The following FARS2 variants were observed in gnomAD, a reference collection of about 807,000 sequenced individuals.
FARS2 encodes the protein phenylalanine--tRNA ligase, mitochondrial.
Under a neutral mutation model 46.4 loss-of-function variants are expected in FARS2, and 40 were observed. That is an observed-to-expected ratio of 0.86 (90% CI 0.67 to 1.12). The LOEUF is 1.12. Ranked by LOEUF, FARS2 falls within the 50% of genes most tolerant of loss-of-function variation. FARS2 has a pLI of 0.00. For synonymous variants in FARS2, 234 were observed against 214.9 expected (o/e 1.09, Z -0.78); for missense variants, 513 against 567.9 (o/e 0.90, Z 0.98).
At chr6:5,711,397 G>A (rs990090769) in intron 6 of FARS2, among the ~76,000 whole-genome samples, 3 of 152,264 alleles carry the variant, frequency 2.0e-5, no homozygotes, top group South Asian at 2.1e-4. Context: ...AACTCCCCAC[G>A]CTTTAGTGTG....
At chr6:5,272,191 C>T (rs1561922795) in intron 1 of FARS2, among the ~76,000 whole-genome samples, 2 of 152,050 alleles carry the variant, frequency 1.3e-5, no homozygotes, top group Non-Finnish European at 2.9e-5. Context: ...TCACGATTTT[C>T]GTTATGGATA....
intron 5 of FARS2, among the ~76,000 whole-genome samples, chr6:5,602,530 C>T (rs924349315): frequency 6.6e-6 from 1 of 151,014 alleles, no homozygotes; most frequent in Non-Finnish European, 1.5e-5. Flanking sequence ...ACCTGCAGTC[C>T]CAGCTACTTG....
chr6:5,316,176 C>T (rs999700963), intron 1 of FARS2, among the ~76,000 whole-genome samples: 2 of 152,214 alleles, frequency 1.3e-5, no homozygotes, highest in African/African-American at 4.8e-5. Context: ...GGGAAAGATT[C>T]ACTTAGGGTG....
intron 4 of FARS2, among the ~76,000 whole-genome samples, chr6:5,544,799 G>A (rs1278592221): frequency 6.6e-6 from 1 of 152,150 alleles, no homozygotes; most frequent in African/African-American, 2.4e-5. Context: ...CTACACTTAA[G>A]GACAGAGACC....
rs1053458214 is a variant in FARS2 at position 5,689,884 on chromosome 6, T to A, written c.1217+76564T>A. On this transcript the variant is annotated intron_variant, in intron 6 of 6. Transcript: ENST00000274680. ...CTTGCTTTATGAATCTGGGTGCTCC[T>A]GTATTGGGTGCATATATATTTAGGA... Among the ~76,000 whole-genome samples, 5 of 152,338 alleles carry A rather than the reference T, an allele frequency of 3.3e-5. No homozygotes were observed. In the East Asian group the frequency reaches 7.7e-4, roughly 23 times the overall value.
At chr6:5,273,901 C>A (rs1282209012) in intron 1 of FARS2, among the ~76,000 whole-genome samples, 1 of 151,534 alleles carries the variant, frequency 6.6e-6, no homozygotes. Flanking sequence ...TTTTTTTTCC[C>A]CATTGTATGT....
chr6:5,766,727 A>G (rs961832306), intron 6 of FARS2, among the ~76,000 whole-genome samples: 1 of 152,180 alleles, frequency 6.6e-6, no homozygotes, highest in African/African-American at 2.4e-5. Context: ...GGTATTTAGT[A>G]TGAGAACAGT....
chr6:5,328,013 T>C (rs945813438), intron 1 of FARS2, among the ~76,000 whole-genome samples: 2 of 152,120 alleles, frequency 1.3e-5, no homozygotes, highest in Non-Finnish European at 2.9e-5. Context: ...CCTTCATAGG[T>C]TTTTTGGAGA....
At chr6:5,279,097 G>T (rs1394930600) in intron 1 of FARS2, among the ~76,000 whole-genome samples, 1 of 152,156 alleles carries the variant, frequency 6.6e-6, no homozygotes, top group Non-Finnish European at 1.5e-5. Flanking sequence ...AAATCTTGAG[G>T]CCGGGCACAG....
chr6:5,693,199 G>A (rs1757877068), intron 6 of FARS2, among the ~76,000 whole-genome samples: 2 of 152,304 alleles, frequency 1.3e-5, no homozygotes, highest in East Asian at 1.9e-4. Context: ...AGGTTAAACA[G>A]CCACAGAGAC....
At position 5,610,019 on chromosome 6, in the gene FARS2, G is replaced by A. The variant is rs538277543; in HGVS notation, c.1066-3150G>A. ...TCCACCTCCTCCGCAGTGGCATAGT[G>A]ACAAACCCAAAGCCCCTGGAGCAAT... is the stretch of plus-strand genomic sequence containing the variant. On this transcript the variant is annotated intron_variant, in intron 5 of 6. Coordinates refer to ENST00000274680, the MANE Select transcript of FARS2 (RefSeq NM_006567.5). The A allele has an allele frequency of 9.0e-6, 9 of 994,814 alleles. No individual in the cohort carries two copies. In the Admixed American group the frequency reaches 1.4e-4, roughly 15 times the overall value. The allele number at this position is 994,814 out of a possible 1,614,324, so 61.6% of individuals were successfully genotyped here.
chr6:5,260,251 C>T (rs1581622638), upstream of FARS2, among the ~76,000 whole-genome samples: 1 of 152,214 alleles, frequency 6.6e-6, no homozygotes, highest in Non-Finnish European at 1.5e-5. Flanking sequence ...TCACTGGCCA[C>T]TTCCACTCTC....
chr6:5,632,416 C>T (rs1776333850), intron 6 of FARS2, among the ~76,000 whole-genome samples: 1 of 152,006 alleles, frequency 6.6e-6, no homozygotes, highest in Admixed American at 6.6e-5. Context: ...AGATGAAATT[C>T]ACATGACATA....
upstream of FARS2, chr6:5,260,845 T>A: frequency 1.3e-6 from 2 of 1,503,226 alleles, no homozygotes; most frequent in South Asian, 1.3e-5. Flanking sequence ...ATGCTGCGGC[T>A]CGGCTTTGCC....
intron 1 of FARS2, among the ~76,000 whole-genome samples, chr6:5,351,782 C>A (rs1015187143): frequency 1.3e-5 from 2 of 152,110 alleles, no homozygotes; most frequent in Non-Finnish European, 2.9e-5. Context: ...GTGACCATTG[C>A]GCAATGTGAA....
At chr6:5,250,647 G>A in the FARS2 span, among the ~76,000 whole-genome samples, 2 of 152,172 alleles carry the variant, frequency 1.3e-5, no homozygotes, top group Non-Finnish European at 2.9e-5. Context: ...TTGTTGAAGA[G>A]GTCAGGTAAC....
chr6:5,357,460 T>C (rs1450980475), intron 1 of FARS2, among the ~76,000 whole-genome samples: 2 of 152,166 alleles, frequency 1.3e-5, no homozygotes, highest in African/African-American at 4.8e-5. Flanking sequence ...CTAGTAAGTT[T>C]AGTGAGTGTT....
intron 4 of FARS2, among the ~76,000 whole-genome samples, chr6:5,453,026 T>C (rs571414454): frequency 2.8e-4 from 43 of 151,780 alleles, no homozygotes; most frequent in African/African-American, 9.9e-4. Context: ...TGTAGGTCCG[T>C]TTGAGAATCA....
intron 5 of FARS2, among the ~76,000 whole-genome samples, chr6:5,565,203 G>C (rs1219152200): frequency 6.6e-6 from 1 of 152,148 alleles, no homozygotes; most frequent in Non-Finnish European, 1.5e-5. Flanking sequence ...GCCATAAATA[G>C]TTTAAAATAA....
Sources: gnomAD v4.1 joint callset for allele counts (sites outside exome capture counted in the v4.1 genomes callset) on GRCh38, gnomAD v4.1.1 for gene constraint, MANE v1.5 for transcripts, NCBI Gene and HGNC (gene_info 2026-07-23, HGNC 2026-07-21) for gene names.